Variants in RORA observed in about 807,000 individuals in gnomAD.
The protein encoded by RORA is RAR related orphan receptor A, also known as nuclear receptor ROR-alpha.
Under a neutral mutation model 69.5 loss-of-function variants are expected in RORA, and 7 were observed. That is an observed-to-expected ratio of 0.10 (90% CI 0.06 to 0.19). The LOEUF is 0.19. RORA is among the 10% of genes least tolerant of loss of function. The pLI, the probability that RORA is intolerant of heterozygous loss-of-function variation, is 1.00. For synonymous variants in RORA, 261 were observed against 240.8 expected (o/e 1.08, Z -0.78); for missense variants, 457 against 663.0 (o/e 0.69, Z 3.41).
intron 1 of RORA, among the ~76,000 whole-genome samples, chr15:60,981,099 A>AT (rs35466644): frequency 0.79 from 115,210 of 146,560 alleles, 45,399 homozygotes; most frequent in East Asian, 0.94. Context: ...GGTTTACAGT[A>AT]TTTTTTTTTT....
At chr15:61,058,762 T>C (rs900159124) in intron 1 of RORA, among the ~76,000 whole-genome samples, 2 of 152,182 alleles carry the variant, frequency 1.3e-5, no homozygotes, top group Non-Finnish European at 2.9e-5. Context: ...CACTGTATCA[T>C]AACGTGGCAG....
intron 1 of RORA, among the ~76,000 whole-genome samples, chr15:60,988,495 C>T (rs1000756754): frequency 1.3e-5 from 2 of 152,120 alleles, no homozygotes; most frequent in Non-Finnish European, 1.5e-5. Context: ...TCTGTTGTTC[C>T]GCCTCCATTG....
chr15:60,911,826 A>G (rs1343956204), intron 1 of RORA, among the ~76,000 whole-genome samples: 2 of 151,162 alleles, frequency 1.3e-5, no homozygotes, highest in African/African-American at 2.4e-5. Context: ...CAGCCTCCCA[A>G]ATAGCTGGGA....
intron 2 of RORA, among the ~76,000 whole-genome samples, chr15:60,569,817 G>A (rs954316211): frequency 4.6e-5 from 7 of 152,160 alleles, no homozygotes; most frequent in African/African-American, 1.7e-4. Context: ...GGGCCAAGCA[G>A]CTGAAGCATT....
intron 2 of RORA, among the ~76,000 whole-genome samples, chr15:60,603,238 T>C (rs966274215): frequency 2.0e-5 from 3 of 152,228 alleles, no homozygotes; most frequent in Admixed American, 2.0e-4. Flanking sequence ...TGGTACAGGC[T>C]GTGGTGTGAA....
At chr15:60,841,878 G>A (rs762771352) in intron 1 of RORA, among the ~76,000 whole-genome samples, 15 of 152,314 alleles carry the variant, frequency 9.8e-5, no homozygotes, top group Non-Finnish European at 1.8e-4. Context: ...AGAAAAGCAG[G>A]ATACAAATGA....
At chr15:60,762,824 T>C (rs1232567396) in intron 1 of RORA, among the ~76,000 whole-genome samples, 2 of 152,150 alleles carry the variant, frequency 1.3e-5, no homozygotes, top group Non-Finnish European at 2.9e-5. Flanking sequence ...CATGGTCTAA[T>C]GGGTTTAGAA....
At chr15:60,894,117 C>A (rs1016729373) in intron 1 of RORA, among the ~76,000 whole-genome samples, 38 of 152,302 alleles carry the variant, frequency 2.5e-4, no homozygotes, top group African/African-American at 8.9e-4. Context: ...TCCAAAGACT[C>A]CCTCCACCAG....
At chr15:61,148,764 A>G (rs1459515462) in intron 1 of RORA, among the ~76,000 whole-genome samples, 4 of 152,200 alleles carry the variant, frequency 2.6e-5, no homozygotes, top group African/African-American at 9.7e-5. Flanking sequence ...TCAGCAGTTA[A>G]TTTAAAATTA....
chr15:60,892,975 C>A (rs1428201825), intron 1 of RORA, among the ~76,000 whole-genome samples: 1 of 152,214 alleles, frequency 6.6e-6, no homozygotes, highest in East Asian at 1.9e-4. Flanking sequence ...TGCCCACCCC[C>A]TCTCCCATTG....
chr15:61,158,987 A>T (rs192178544), intron 1 of RORA, among the ~76,000 whole-genome samples: 2 of 152,318 alleles, frequency 1.3e-5, no homozygotes, highest in East Asian at 3.9e-4. Context: ...CTCAGATTCA[A>T]TCTTAGTCAT....
intron 2 of RORA, among the ~76,000 whole-genome samples, chr15:60,540,574 C>CCGCCG (rs72120718): frequency 0.56 from 57,501 of 102,526 alleles, 19,988 homozygotes; most frequent in East Asian, 0.78. Flanking sequence ...ACCCCCCCCC[C>CCGCCG]CCAAAACTGT....
chr15:60,774,915 G>T (rs2072139456), intron 1 of RORA, among the ~76,000 whole-genome samples: 2 of 152,150 alleles, frequency 1.3e-5, no homozygotes, highest in African/African-American at 4.8e-5. Flanking sequence ...GGTAATTATA[G>T]TATCAATTCA....
chr15:61,176,392 T>C (rs1490049320), intron 1 of RORA: 2 of 152,246 alleles, frequency 1.3e-5, no homozygotes, highest in Admixed American at 1.3e-4. Flanking sequence ...GGGAGATCAC[T>C]TGCTTTTCAG....
chr15:60,544,189 A>G (rs1478335852), intron 2 of RORA, among the ~76,000 whole-genome samples: 4 of 152,222 alleles, frequency 2.6e-5, no homozygotes, highest in Non-Finnish European at 5.9e-5. Context: ...GCTGCACTAC[A>G]TAATCTTCCA....
At chr15:61,192,763 G>C (rs989349429) in intron 1 of RORA, among the ~76,000 whole-genome samples, 10 of 152,306 alleles carry the variant, frequency 6.6e-5, no homozygotes, top group African/African-American at 2.4e-4. Flanking sequence ...CTAGAGACTT[G>C]AGTTCACCTC....
intron 1 of RORA, 76 bp downstream of exon 1, chr15:61,228,977 C>T: frequency 1.3e-6 from 1 of 755,612 alleles, no homozygotes; most frequent in Non-Finnish European, 1.6e-6. Context: ...GCGCCCCGGG[C>T]GCCCGCTCCC....
In RORA at chr15:61,116,927, G is replaced by A. The variant is rs189371846; in HGVS notation, c.166+112126C>T. Among the ~76,000 whole-genome samples the A allele has an allele frequency of 9.1e-4, 138 of 152,186 alleles. 1 individual carries two copies. Among genetic ancestry groups the A allele is most frequent in the Admixed American group, 5.2e-3 (79 of 15,288 alleles). On this transcript the variant is annotated intron_variant, in intron 1 of 10. Coordinates refer to ENST00000335670, the MANE Select transcript of RORA (RefSeq NM_134261.3). ...TTCATTTACCCCCTATCTGGTTTAC[G>A]CTCACTTAAGGGAGTGATTTCTTTC...
intron 1 of RORA, among the ~76,000 whole-genome samples, chr15:60,889,353 G>T (rs4997228): frequency 6.0e-4 from 14 of 23,478 alleles, no homozygotes; most frequent in African/African-American, 5.1e-3. Context: ...AGTGGGGCGG[G>T]GGGGGGGGGA....
Sources: gnomAD v4.1 joint callset for allele counts (sites outside exome capture counted in the v4.1 genomes callset) on GRCh38, gnomAD v4.1.1 for gene constraint, MANE v1.5 for transcripts, NCBI Gene and HGNC (gene_info 2026-07-23, HGNC 2026-07-21) for gene names.